The following AFF3 variants were observed in gnomAD, a reference collection of about 807,000 sequenced individuals.
AFF3 encodes the protein ALF transcription elongation factor 3, also known as AF4/FMR2 family member 3.
AFF3 carries 32 observed loss-of-function variants against 129.7 expected under a neutral mutation model. That is an observed-to-expected ratio of 0.25 (90% CI 0.19 to 0.33). AFF3 has a LOEUF of 0.33. Among genes scored for constraint, AFF3 ranks in the 10% least tolerant of loss-of-function variants. The pLI is 1.00. For synonymous variants in AFF3, 644 were observed against 635.4 expected (o/e 1.01, Z -0.20); for missense variants, 1,373 against 1,592.0 (o/e 0.86, Z 2.34).
intron 11 of AFF3, among the ~76,000 whole-genome samples, chr2:99,697,907 G>A (rs1340199696): frequency 6.6e-6 from 1 of 152,222 alleles, no homozygotes; most frequent in African/African-American, 2.4e-5. Flanking sequence ...ACAAATACCT[G>A]ACTTTGTGAA....
At chr2:99,740,834 C>T (rs1680663000) in intron 10 of AFF3, among the ~76,000 whole-genome samples, 1 of 152,112 alleles carries the variant, frequency 6.6e-6, no homozygotes, top group Admixed American at 6.5e-5. Context: ...TGCCATTTGT[C>T]AATTTTGGCT....
chr2:99,998,900 T>A (rs1681117929), intron 7 of AFF3, among the ~76,000 whole-genome samples: 1 of 152,138 alleles, frequency 6.6e-6, no homozygotes. Context: ...ATATTTTAGG[T>A]CTTTCGTACA....
At chr2:99,722,303 T>C (rs1034941674) in intron 11 of AFF3, among the ~76,000 whole-genome samples, 1 of 152,254 alleles carries the variant, frequency 6.6e-6, no homozygotes, top group Non-Finnish European at 1.5e-5. Context: ...ATATGTCTTT[T>C]AAGTTTTGGT....
chr2:100,115,672 T>C (rs901859008), intron 2 of AFF3, among the ~76,000 whole-genome samples: 1 of 152,242 alleles, frequency 6.6e-6, no homozygotes, highest in African/African-American at 2.4e-5. Context: ...CTTACTGATA[T>C]GATGTCTGAT....
At chr2:99,727,218 T>A in intron 10 of AFF3, 90 bp from the exon 11 acceptor site, 1 of 1,258,064 alleles carries the variant, frequency 7.9e-7, no homozygotes, top group Non-Finnish European at 1.1e-6. Context: ...ATGCTCCTAT[T>A]AACAATCTTT....
intron 10 of AFF3, 36 bp downstream of exon 10, chr2:99,744,068 T>C: frequency 6.6e-7 from 1 of 1,516,800 alleles, no homozygotes. Flanking sequence ...CACCCCCTGC[T>C]CCCCAGATGA....
chr2:99,848,560 T>C (rs11123800), intron 7 of AFF3, among the ~76,000 whole-genome samples: 94,131 of 152,028 alleles, frequency 0.62, 30,172 homozygotes, highest in South Asian at 0.75. Flanking sequence ...GGAGAAAAGT[T>C]TGTGTTTACT....
intron 7 of AFF3, among the ~76,000 whole-genome samples, chr2:99,853,186 A>G (rs1690275378): frequency 1.3e-5 from 2 of 152,250 alleles, no homozygotes; most frequent in African/African-American, 4.8e-5. Context: ...TCTTAAAACC[A>G]GCATCAACAC....
At chr2:99,896,305 T>C (rs567466750) in intron 7 of AFF3, among the ~76,000 whole-genome samples, 1 of 152,118 alleles carries the variant, frequency 6.6e-6, no homozygotes, top group Non-Finnish European at 1.5e-5. Context: ...AGGAGTTTCC[T>C]ACTACTATCA....
intron 4 of AFF3, among the ~76,000 whole-genome samples, chr2:100,095,587 A>T (rs1573409833): frequency 6.6e-6 from 1 of 152,038 alleles, no homozygotes; most frequent in Non-Finnish European, 1.5e-5. Context: ...AATCTGGAAT[A>T]CCCCCCATTG....
chr2:99,752,551 C>T (rs372599175), intron 8 of AFF3, among the ~76,000 whole-genome samples: 4 of 152,130 alleles, frequency 2.6e-5, no homozygotes, highest in African/African-American at 9.7e-5. Context: ...CAAGGCTGTC[C>T]TATTTTCACT....
chr2:99,629,753 G>A (rs370239329), intron 13 of AFF3, among the ~76,000 whole-genome samples: 2 of 152,134 alleles, frequency 1.3e-5, no homozygotes, highest in Non-Finnish European at 2.9e-5. Context: ...CCCGGTGTGC[G>A]GATGGCCATC....
intron 14 of AFF3, among the ~76,000 whole-genome samples, chr2:99,600,748 C>T (rs754406450): frequency 6.6e-6 from 1 of 152,180 alleles, no homozygotes; most frequent in Admixed American, 6.5e-5. Context: ...AATCTTCATG[C>T]TCTGAATTAC....
At chr2:100,075,442 T>C (rs1189522932) in intron 4 of AFF3, among the ~76,000 whole-genome samples, 1 of 152,158 alleles carries the variant, frequency 6.6e-6, no homozygotes, top group East Asian at 1.9e-4. Flanking sequence ...TGCAACAAAT[T>C]ATTATCCAGG....
intron 11 of AFF3, among the ~76,000 whole-genome samples, chr2:99,719,637 C>T (rs1026475967): frequency 2.0e-5 from 3 of 152,154 alleles, no homozygotes; most frequent in Non-Finnish European, 4.4e-5. Context: ...GCCTCTTATA[C>T]TCTTTGTCTT....
At chr2:99,606,599 T>C (rs1182184027) in intron 13 of AFF3, among the ~76,000 whole-genome samples, 1 of 152,196 alleles carries the variant, frequency 6.6e-6, no homozygotes, top group Non-Finnish European at 1.5e-5. Context: ...GGTTATAATG[T>C]CACTTTTCCA....
intron 4 of AFF3, among the ~76,000 whole-genome samples, chr2:100,048,231 C>G (rs1366493163): frequency 6.6e-6 from 1 of 152,176 alleles, no homozygotes; most frequent in Non-Finnish European, 1.5e-5. Flanking sequence ...TTGTACTGCA[C>G]TTACTCATCT....
chr2:99,570,065 C>T (rs1273083280), intron 18 of AFF3, among the ~76,000 whole-genome samples: 1 of 152,196 alleles, frequency 6.6e-6, no homozygotes, highest in Admixed American at 6.5e-5. Context: ...TTTCCTCACC[C>T]CATCCCCATG....
At chr2:99,776,272 A>T (rs890874653) in intron 8 of AFF3, among the ~76,000 whole-genome samples, 1 of 152,228 alleles carries the variant, frequency 6.6e-6, no homozygotes, top group Admixed American at 6.5e-5. Flanking sequence ...ATTAAAACAA[A>T]GGTTTAAAAA....
Sources: gnomAD v4.1 joint callset for allele counts (sites outside exome capture counted in the v4.1 genomes callset) on GRCh38, gnomAD v4.1.1 for gene constraint, MANE v1.5 for transcripts, NCBI Gene and HGNC (gene_info 2026-07-23, HGNC 2026-07-21) for gene names.